RGS6: variants seen among roughly 807,000 people sequenced by gnomAD.
RGS6 encodes the protein regulator of G protein signaling 6, also known as regulator of G-protein signaling 6.
Under a neutral mutation model 78.5 loss-of-function variants are expected in RGS6, and 30 were observed. That is an observed-to-expected ratio of 0.38 (90% CI 0.29 to 0.52). RGS6 has a LOEUF of 0.52. RGS6 is among the 20% of genes least tolerant of loss of function. The pLI, the probability that RGS6 is intolerant of heterozygous loss-of-function variation, is 0.85. For synonymous variants in RGS6, 206 were observed against 206.0 expected, an observed-to-expected ratio of 1.00 and a Z score of 0.00; for missense variants, 495 against 609.7, an observed-to-expected ratio of 0.81 and a Z score of 1.98.
At chr14:72,096,348 C>A (rs1334611216) in intron 2 of RGS6, among the ~76,000 whole-genome samples, 1 of 151,760 alleles carries the variant, frequency 6.6e-6, no homozygotes, top group Non-Finnish European at 1.5e-5. Context: ...TGTATATATT[C>A]ACAGAAAACG....
chr14:72,593,093 T>C, the RGS6 span, among the ~76,000 whole-genome samples: 2 of 152,108 alleles, frequency 1.3e-5, no homozygotes, highest in African/African-American at 4.8e-5. Context: ...GGAGTGGCCA[T>C]CCTTGACAAG....
At chr14:72,013,595 A>T (rs1418790144) in intron 2 of RGS6, among the ~76,000 whole-genome samples, 1 of 152,226 alleles carries the variant, frequency 6.6e-6, no homozygotes, top group Non-Finnish European at 1.5e-5. Flanking sequence ...GAGGGCAAGG[A>T]TGGAGCTATT....
chr14:72,058,089 T>C (rs907905193), intron 2 of RGS6, among the ~76,000 whole-genome samples: 6 of 151,972 alleles, frequency 3.9e-5, no homozygotes, highest in African/African-American at 1.5e-4. Context: ...TTTTTTTTTT[T>C]TGCTTGTCTT....
the RGS6 span, among the ~76,000 whole-genome samples, chr14:72,595,614 C>T: frequency 6.6e-6 from 1 of 152,130 alleles, no homozygotes; most frequent in Non-Finnish European, 1.5e-5. Flanking sequence ...GAACAGAGAA[C>T]AGCCCACCAA....
chr14:72,071,527 A>G (rs2094407586), intron 2 of RGS6, among the ~76,000 whole-genome samples: 1 of 152,238 alleles, frequency 6.6e-6, no homozygotes, highest in African/African-American at 2.4e-5. Flanking sequence ...GCGGTACACA[A>G]GAGTTTCTGT....
At chr14:72,345,694 A>G (rs1458424255) in intron 2 of RGS6, among the ~76,000 whole-genome samples, 1 of 152,210 alleles carries the variant, frequency 6.6e-6, no homozygotes, top group Non-Finnish European at 1.5e-5. Context: ...TTAGTCCATG[A>G]GGAAGGAGAA....
At chr14:72,566,671 ACACAC>A (rs2097712799), downstream of RGS6, 1 of 134,888 alleles carries the variant, frequency 7.4e-6, no homozygotes, top group Non-Finnish European at 1.5e-5. Flanking sequence ...ACACACACAC[ACACAC>A]ACACACCTGT....
chr14:72,404,747 T>C (rs112460685), intron 3 of RGS6, among the ~76,000 whole-genome samples: 11 of 152,246 alleles, frequency 7.2e-5, no homozygotes, highest in African/African-American at 2.4e-4. Context: ...GCTGCCACCA[T>C]GGTTACTGCA....
chr14:72,346,223 TAAG>T, intron 2 of RGS6, among the ~76,000 whole-genome samples: 1 of 152,214 alleles, frequency 6.6e-6, no homozygotes, highest in African/African-American at 2.4e-5. Flanking sequence ...TGCTATACTT[TAAG>T]TTTTTAACAT....
chr14:72,326,822 C>T (rs1425233699), intron 2 of RGS6, among the ~76,000 whole-genome samples: 1 of 152,206 alleles, frequency 6.6e-6, no homozygotes, highest in Non-Finnish European at 1.5e-5. Context: ...ATTGTCCTGC[C>T]TCAGCCTGCC....
intron 2 of RGS6, among the ~76,000 whole-genome samples, chr14:72,169,342 A>G (rs2096976765): frequency 7.5e-6 from 1 of 133,612 alleles, no homozygotes; most frequent in Non-Finnish European, 1.7e-5. Context: ...ATGTCTTCTA[A>G]GAAGAAAATT....
chr14:72,214,641 G>A (rs2045111509), intron 2 of RGS6, among the ~76,000 whole-genome samples: 1 of 152,142 alleles, frequency 6.6e-6, no homozygotes, highest in African/African-American at 2.4e-5. Context: ...GGAAGAATAT[G>A]TATATACAGC....
At chr14:72,431,253 T>G (rs573704741) in intron 3 of RGS6, among the ~76,000 whole-genome samples, 12 of 152,296 alleles carry the variant, frequency 7.9e-5, no homozygotes, top group South Asian at 6.2e-4. Context: ...AAAATCACCC[T>G]GGGGAATTGT....
chr14:72,561,834 T>C (rs2097680485), intron 17 of RGS6, among the ~76,000 whole-genome samples: 1 of 152,212 alleles, frequency 6.6e-6, no homozygotes, highest in Admixed American at 6.5e-5. Context: ...GGGCCTACAG[T>C]GGCTCTGAGC....
intron 17 of RGS6, among the ~76,000 whole-genome samples, chr14:72,549,891 G>A (rs182496960): frequency 8.5e-5 from 13 of 152,166 alleles, no homozygotes; most frequent in South Asian, 4.1e-4. Context: ...CAGAGACCTC[G>A]GACTGAGGAG....
intron 12 of RGS6, among the ~76,000 whole-genome samples, chr14:72,492,687 A>T (rs2096593891): frequency 6.6e-6 from 1 of 152,096 alleles, no homozygotes; most frequent in South Asian, 2.1e-4. Context: ...TCATGTTCTG[A>T]GCCCCAACAG....
At chr14:72,398,767 GTTTCAAAAAACATC>G (rs961081058) in intron 3 of RGS6, among the ~76,000 whole-genome samples, 18 of 152,052 alleles carry the variant, frequency 1.2e-4, no homozygotes, top group Non-Finnish European at 2.4e-4. Flanking sequence ...GTTCTTGTTG[GTTTCAAAAAACATC>G]TTTATTTCTC....
rs145149122 is a variant in RGS6 at position 72,415,942 on chromosome 14, G to A, written c.185-38586G>A. On this transcript the variant is annotated intron_variant, in intron 3 of 17. Transcript: ENST00000553525. ...AGGCGGGCAGATCATGAGGTCAGGA[G>A]TTCAAGACCAGCCTGACCAACGTGG... is the stretch of plus-strand genomic sequence containing the variant. Among the ~76,000 whole-genome samples, 133 of 152,256 alleles carry A rather than the reference G, an allele frequency of 8.7e-4. 2 individuals are homozygous for A. Among genetic ancestry groups the A allele is most frequent in the Middle Eastern group, 3.4e-3 (1 of 294 alleles).
At chr14:72,422,622 G>A (rs986654459) in intron 3 of RGS6, among the ~76,000 whole-genome samples, 3 of 152,232 alleles carry the variant, frequency 2.0e-5, no homozygotes, top group Admixed American at 1.3e-4. Context: ...CTCACCCCTC[G>A]TCCTTGTCCA....
Sources: allele counts gnomAD v4.1 joint callset (sites outside exome capture counted in the v4.1 genomes callset), GRCh38; gene constraint gnomAD v4.1.1; transcripts MANE v1.5; gene names NCBI Gene and HGNC (gene_info 2026-07-23, HGNC 2026-07-21).